The following ZC3HC1 variants were observed in gnomAD, a reference collection of about 807,000 sequenced individuals.
ZC3HC1 encodes the protein zinc finger C3HC-type containing 1, also known as zinc finger C3HC-type protein 1.
ZC3HC1 carries 38 observed loss-of-function variants against 61.9 expected under a neutral mutation model. That is an observed-to-expected ratio of 0.61 (90% CI 0.47 to 0.81). The LOEUF is 0.81. ZC3HC1 is among the 30% of genes least tolerant of loss of function. The probability of loss-of-function intolerance (pLI) is 0.00; values close to 1 mark genes in which losing one functional copy is unlikely to be tolerated. For synonymous variants in ZC3HC1, 213 were observed against 229.9 expected (o/e 0.93, Z 0.67); for missense variants, 554 against 622.7 (o/e 0.89, Z 1.17).
intron 1 of ZC3HC1, 82 bp from the exon 2 acceptor site, chr7:130,049,226 A>G (rs990070436): frequency 4.2e-6 from 4 of 954,822 alleles, no homozygotes; most frequent in Non-Finnish European, 5.9e-6. Flanking sequence ...TACACATCGT[A>G]TCATAAATCA....
chr7:130,048,274 T>C lies in ZC3HC1; in HGVS notation c.258+759A>G, dbSNP rs918700324. Among the ~76,000 whole-genome samples the C allele has an allele frequency of 3.3e-5, 5 of 151,536 alleles. No individual in the cohort carries two copies. The Admixed American group carries it at 3.3e-4, about 10-fold the overall frequency. On this transcript the variant is annotated intron_variant, in intron 2 of 9. Coordinates refer to ENST00000358303, the MANE Select transcript of ZC3HC1 (RefSeq NM_016478.5). ...AAGCTATTCTCCTGCCTCAGACTCCTGAGTAGCTGGGATTACAAGTGAGCA... is the reference window on the plus strand; with the variant it reads ...AAGCTATTCTCCTGCCTCAGACTCCCGAGTAGCTGGGATTACAAGTGAGCA...
intron 1 of ZC3HC1, among the ~76,000 whole-genome samples, chr7:130,049,732 AG>A (rs1795002681): frequency 6.6e-6 from 1 of 151,898 alleles, no homozygotes; most frequent in South Asian, 2.1e-4. Flanking sequence ...TTGTATCTTT[AG>A]GACAGACGGG....
At chr7:130,042,439 G>A (rs1386097499) in intron 2 of ZC3HC1, among the ~76,000 whole-genome samples, 1 of 152,042 alleles carries the variant, frequency 6.6e-6, no homozygotes, top group African/African-American at 2.4e-5. Context: ...ATAAGAGATA[G>A]TCAAAGTTAA....
At chr7:130,044,131 C>T (rs1794783012) in intron 2 of ZC3HC1, among the ~76,000 whole-genome samples, 1 of 152,008 alleles carries the variant, frequency 6.6e-6, no homozygotes, top group Non-Finnish European at 1.5e-5. Flanking sequence ...TCTGAGAGGG[C>T]CTGAGAACAG....
At chr7:130,045,449 T>A in intron 2 of ZC3HC1, 1 of 457,096 alleles carries the variant, frequency 2.2e-6, no homozygotes, top group Non-Finnish European at 4.4e-6. Context: ...ATGTTGGCCA[T>A]GTTGGAGTAG....
rs141737602 is a variant in ZC3HC1, at chr7:130,038,380, C to G, written c.493+1084G>C. Among the ~76,000 whole-genome samples the G allele has an allele frequency of 3.6e-3, 544 of 152,286 alleles. 4 individuals are homozygous for G. The highest frequency in any genetic ancestry group is 0.012 in the African/African-American group (508 of 41,558). ...TTGGGGTCCTGTGAGTCTTCTTCAGCAAATGAACCCTGTTTAACTTCCACC... is the reference window on the plus strand; with the variant it reads ...TTGGGGTCCTGTGAGTCTTCTTCAGGAAATGAACCCTGTTTAACTTCCACC... On this transcript the variant is annotated intron_variant, in intron 4 of 9. Transcript: ENST00000358303.
intron 1 of ZC3HC1, chr7:130,050,328 C>T: frequency 8.7e-7 from 1 of 1,149,974 alleles, no homozygotes; most frequent in Non-Finnish European, 1.2e-6. Flanking sequence ...CTGCCCGCTT[C>T]AGCCTCCTCA....
intron 9 of ZC3HC1, among the ~76,000 whole-genome samples, chr7:130,019,809 GTTTTTTTTT>G (rs754542017): frequency 3.1e-5 from 3 of 95,798 alleles, no homozygotes; most frequent in Non-Finnish European, 6.2e-5. Flanking sequence ...GCTTTCACAG[GTTTTTTTTT>G]TTTTTTTTTT....
chr7:130,045,927 A>G (rs1403314591), intron 2 of ZC3HC1, among the ~76,000 whole-genome samples: 1 of 151,434 alleles, frequency 6.6e-6, no homozygotes, highest in Non-Finnish European at 1.5e-5. Context: ...TCAACGGCTT[A>G]AGATGGATGT....
At chr7:130,019,809 G>GTTTTTTT (rs754542017) in intron 9 of ZC3HC1, among the ~76,000 whole-genome samples, 3 of 95,796 alleles carry the variant, frequency 3.1e-5, no homozygotes, top group African/African-American at 4.2e-5. Flanking sequence ...GCTTTCACAG[G>GTTTTTTT]TTTTTTTTTT....
chr7:130,039,172 C>G (rs985971049), intron 4 of ZC3HC1: 1 of 325,874 alleles, frequency 3.1e-6, no homozygotes, highest in East Asian at 6.2e-5. Flanking sequence ...TGGTGAAACC[C>G]CATCTCTACT....
rs182538933 is a variant in ZC3HC1 at position 130,040,087 on chromosome 7, G to T, written c.410-540C>A. 2.1e-5 allele frequency among the ~76,000 whole-genome samples: 3 copies of T among 141,864 alleles called. No homozygotes were observed. The South Asian group carries it at 6.8e-4, about 32-fold the overall frequency. The allele number at this position is 141,864 out of a possible 152,430, so 93.1% of individuals were successfully genotyped here. On this transcript the variant is annotated intron_variant, in intron 3 of 9. Coordinates refer to ENST00000358303, the MANE Select transcript of ZC3HC1 (RefSeq NM_016478.5). ...TCATAAAAGTCCTTTGTCACTCTTC[G>T]TCTAGAAGTATACATTTTGGAATAA...
intron 4 of ZC3HC1, among the ~76,000 whole-genome samples, chr7:130,032,658 A>G (rs764615546): frequency 2.9e-5 from 4 of 136,530 alleles, no homozygotes; most frequent in Non-Finnish European, 6.3e-5. Context: ...CGTGTACTTG[A>G]TAGAAGAAAT....
chr7:130,036,426 GT>G (rs1485734454), intron 4 of ZC3HC1, among the ~76,000 whole-genome samples: 1 of 151,934 alleles, frequency 6.6e-6, no homozygotes, highest in African/African-American at 2.4e-5. Flanking sequence ...GCCAGGCATG[GT>G]GGCGGGCACC....
chr7:130,029,609 C>A lies in ZC3HC1; in HGVS notation c.494-580G>T, dbSNP rs191400298. Among the ~76,000 whole-genome samples, 6 of 152,056 alleles carry A rather than the reference C, an allele frequency of 3.9e-5. No individual in the cohort carries two copies. In the East Asian group the frequency reaches 9.7e-4, roughly 25 times the overall value. On this transcript the variant is annotated intron_variant, in intron 4 of 9. Transcript: ENST00000358303. ...TGAACTTCAAAACAATGCAGAGGGG[C>A]AGGGTGTTAGGTGTTAGGAATATAG... is the stretch of plus-strand genomic sequence containing the variant.
chr7:130,024,316 G>A lies in ZC3HC1; in HGVS notation c.967C>T (p.Arg323Trp), dbSNP rs1407261965. ...ERLPLVPESP[R>W]RMMTRSQDAT... Reference sequence around the variant, plus strand: ...TCCTGGCTCCGGGTCATCATCCTCCGAGGAGATTCAGGCACCAGAGGTAAG... The same window carrying A: ...TCCTGGCTCCGGGTCATCATCCTCCAAGGAGATTCAGGCACCAGAGGTAAG... Residue 323 changes from arginine to tryptophan, a missense_variant, in exon 7 of 10, where the codon CGG (arginine) becomes TGG (tryptophan). Transcript: ENST00000358303. 18 of 1,614,042 alleles carry A rather than the reference G, an allele frequency of 1.1e-5. No individual in the cohort carries two copies. Among genetic ancestry groups the A allele is most frequent in the Admixed American group, 1.7e-5 (1 of 59,986 alleles).
Position 130,049,141 on chromosome 7 carries a change from C to T in ZC3HC1, c.150G>A (p.Lys50=), listed in dbSNP as rs138887689. The T allele has an allele frequency of 4.3e-5, 68 of 1,593,044 alleles. No individual in the cohort carries two copies. In the African/African-American group the frequency reaches 7.4e-4, roughly 17 times the overall value. Reference sequence around the variant, plus strand: ...CTGACTGGGATGTGGCAGACGTGTCCTTCCTAATATAAAGTGGCAAAACTG... The same window carrying T: ...CTGACTGGGATGTGGCAGACGTGTCTTTCCTAATATAAAGTGGCAAAACTG... ...IAPEEGGVDA[K]DTSATSQSVN... The change falls in exon 2 of 10, where the codon AAG becomes AAA. Residue 50 remains lysine (K), a synonymous_variant. Coordinates refer to ENST00000358303, the MANE Select transcript of ZC3HC1 (RefSeq NM_016478.5).
At chr7:130,028,084 T>G (rs995338238) in intron 5 of ZC3HC1, among the ~76,000 whole-genome samples, 2 of 133,362 alleles carry the variant, frequency 1.5e-5, no homozygotes, top group East Asian at 2.2e-4. Flanking sequence ...GAAGAATCGC[T>G]TGAACCCAGG....
At chr7:130,035,445 C>T (rs187970936) in intron 4 of ZC3HC1, among the ~76,000 whole-genome samples, 10 of 150,206 alleles carry the variant, frequency 6.7e-5, no homozygotes, top group African/African-American at 1.7e-4. Context: ...CAAAAAATCT[C>T]GTAGTTTCGC....
Sources: gnomAD v4.1 joint callset for allele counts (sites outside exome capture counted in the v4.1 genomes callset) on GRCh38, gnomAD v4.1.1 for gene constraint, MANE v1.5 for transcripts, NCBI Gene and HGNC (gene_info 2026-07-23, HGNC 2026-07-21) for gene names.